The following TAF5 variants were observed in gnomAD, a reference collection of about 807,000 sequenced individuals.
TAF5 encodes the protein transcription initiation factor TFIID subunit 5.
A neutral mutation model predicts 80.9 loss-of-function variants in TAF5; 20 were observed. The ratio of observed to expected loss-of-function variants is 0.25; its 90% CI spans 0.17 to 0.36. TAF5 has a LOEUF of 0.36. TAF5 is among the 10% of genes least tolerant of loss of function. The pLI is 1.00. For missense variants in TAF5, 863 were observed against 1,029.4 expected (o/e 0.84, Z 2.21); for synonymous variants, 388 against 406.4 (o/e 0.95, Z 0.55).
intron 7 of TAF5, among the ~76,000 whole-genome samples, chr10:103,383,777 C>T (rs773769065): frequency 2.6e-5 from 4 of 151,970 alleles, no homozygotes; most frequent in Non-Finnish European, 5.9e-5. Flanking sequence ...GGGGTTTCTC[C>T]ATGTTGGTCA....
intron 1 of TAF5, among the ~76,000 whole-genome samples, chr10:103,370,857 C>G (rs1283727274): frequency 1.3e-5 from 2 of 152,118 alleles, no homozygotes; most frequent in African/African-American, 4.8e-5. Context: ...CTGTATGAGG[C>G]CTAATTTTTG....
At chr10:103,382,895 G>A (rs1314255746) in intron 6 of TAF5, among the ~76,000 whole-genome samples, 2 of 152,186 alleles carry the variant, frequency 1.3e-5, no homozygotes, top group East Asian at 3.9e-4. Context: ...CAATCTGCCC[G>A]CCTTGGCCTA....
At chr10:103,383,487 T>C in intron 7 of TAF5, 120 bp downstream of exon 7, 1 of 980,824 alleles carries the variant, frequency 1.0e-6, no homozygotes, top group Non-Finnish European at 1.4e-6. Flanking sequence ...CATGGTTGTC[T>C]GACGTTCATC....
chr10:103,368,604 A>C (rs1026644604), intron 1 of TAF5, 56 bp downstream of exon 1: 22 of 1,442,602 alleles, frequency 1.5e-5, no homozygotes, highest in Non-Finnish European at 2.0e-5. Context: ...CAAGCCGGTA[A>C]GGCAGGGGCT....
intron 1 of TAF5, among the ~76,000 whole-genome samples, chr10:103,372,447 G>T (rs1429224901): frequency 1.3e-5 from 2 of 150,768 alleles, no homozygotes; most frequent in Non-Finnish European, 1.5e-5. Flanking sequence ...CCATTCTCCT[G>T]CCTCAGCCTC....
At chr10:103,386,414 T>C (rs2093396416) in intron 8 of TAF5, among the ~76,000 whole-genome samples, 1 of 152,168 alleles carries the variant, frequency 6.6e-6, no homozygotes, top group Non-Finnish European at 1.5e-5. Context: ...CATTCTAGCC[T>C]GGATGACAGA....
chr10:103,372,356 ATGGAGTCTTGCTCTGTCGCCCAGGC>A (rs1387322687), intron 1 of TAF5, among the ~76,000 whole-genome samples: 1 of 147,770 alleles, frequency 6.8e-6, no homozygotes, highest in African/African-American at 2.5e-5. Context: ...TTTTTTTGAG[ATGGAGTCTTGCTCTGTCGCCCAGGC>A]TGGAGTGCAG....
At chr10:103,385,591 T>G (rs2093394049) in intron 8 of TAF5, 101 bp downstream of exon 8, 1 of 1,318,734 alleles carries the variant, frequency 7.6e-7, no homozygotes, top group Admixed American at 2.5e-5. Context: ...CTTCCATTAT[T>G]GAGGTTCAAC....
At chr10:103,383,477 C>A in intron 7 of TAF5, 110 bp downstream of exon 7, 1 of 1,087,736 alleles carries the variant, frequency 9.2e-7, no homozygotes, top group Non-Finnish European at 1.3e-6. Context: ...ATAAAAATCT[C>A]ATGGTTGTCT....
chr10:103,383,435 G>A, intron 7 of TAF5, 68 bp downstream of exon 7: 2 of 1,421,868 alleles, frequency 1.4e-6, no homozygotes, highest in Non-Finnish European at 9.4e-7. Context: ...GTTAACTACT[G>A]GAAACATTAT....
In TAF5 at chr10:103,374,248, C is replaced by T. The variant is rs763896776; in HGVS notation, c.797+653C>T. Among the ~76,000 whole-genome samples the T allele has an allele frequency of 2.0e-5, 3 of 152,130 alleles. No individual in the cohort carries two copies. Among genetic ancestry groups the T allele is most frequent in the African/African-American group, 4.8e-5 (2 of 41,434 alleles). ...ATTAGAATAAGAGTAACTGAGAACC[C>T]AAACAACAGAGGTTTAAATACAATA... is the stretch of plus-strand genomic sequence containing the variant. On this transcript the variant is annotated intron_variant, in intron 2 of 10. Transcript: ENST00000369839. This position sits in a 1 kb window ranked among gnomAD's most constrained non-coding sequence, Gnocchi z 4.3.
rs1179463727 is a variant in TAF5 at position 103,368,022 on chromosome 10, G to A, written c.33G>A (p.Val11=). 3 of 1,468,394 alleles carry A rather than the reference G, an allele frequency of 2.0e-6. No individual in the cohort carries two copies. The highest frequency in any genetic ancestry group is 2.7e-6 in the Non-Finnish European group (3 of 1,115,812). 91.0% of individuals were successfully genotyped at this position (1,468,394 alleles called of 1,614,324 possible). MAALAEEQTE[V]AVKLEPEGPP... The stretch of plus-strand genomic sequence containing the variant: ...CGCTGGCGGAGGAGCAGACGGAGGT[G>A]GCGGTCAAGCTAGAGCCTGAGGGAC... Residue 11 remains valine, a synonymous_variant, in exon 1 of 11, where the codon GTG becomes GTA. Coordinates refer to ENST00000369839, the MANE Select transcript of TAF5 (RefSeq NM_006951.5).
In TAF5 at chr10:103,388,519, T is replaced by C. The variant is rs1237546838; in HGVS notation, c.*296T>C. On this transcript the variant is annotated 3_prime_UTR_variant, in exon 11 of 11. Transcript: ENST00000369839. ...TCAAATGCTATTTTAATTTATTACA[T>C]TTAGAAAAAAAGTTGATTTCAATAA... The C allele has an allele frequency of 4.7e-6, 1 of 211,024 alleles. No individual in the cohort carries two copies. Among genetic ancestry groups the C allele is most frequent in the Non-Finnish European group, 9.5e-6 (1 of 105,370 alleles). 13.1% of individuals were successfully genotyped at this position (211,024 alleles called of 1,614,324 possible).
intron 5 of TAF5, among the ~76,000 whole-genome samples, chr10:103,380,404 A>G (rs535930919): frequency 1.7e-4 from 26 of 152,312 alleles, no homozygotes; most frequent in Non-Finnish European, 2.1e-4. Context: ...CTGGGATTAC[A>G]GGCATGAGCC....
At chr10:103,372,867 C>G (rs2093362706) in intron 1 of TAF5, among the ~76,000 whole-genome samples, 1 of 149,094 alleles carries the variant, frequency 6.7e-6, no homozygotes, top group South Asian at 2.1e-4. Context: ...TGCACTACAG[C>G]CTGGGCGACA....
rs1163364095 is a variant in TAF5, at chr10:103,374,344, C to T, written c.797+749C>T. Among the ~76,000 whole-genome samples, 2 of 152,126 alleles carry T rather than the reference C, an allele frequency of 1.3e-5. No individual in the cohort carries two copies. The highest frequency in any genetic ancestry group is 2.9e-5 in the Non-Finnish European group (2 of 68,034). On this transcript the variant is annotated intron_variant, in intron 2 of 10. Transcript: ENST00000369839. This position sits in a 1 kb window ranked among gnomAD's most constrained non-coding sequence, Gnocchi z 4.3. ...TGTGGTGGGTTCTTCATTACCAGGG[C>T]CCCAAGCTCCCTCGGTCTTGTTGCT...
At position 103,368,517 on chromosome 10, in the gene TAF5, T is replaced by G. The variant is rs763472567; in HGVS notation, c.528T>G (p.Gly176=). ...CTTCGGGGGCCACGGTCGTCTCAGG[T>G]TCAGCCTCAGGTCCTGCGGCTCCGG... is the stretch of plus-strand genomic sequence containing the variant. ...TGASGATVVS[G]SASGPAAPGK... The change falls in exon 1 of 11, where the codon GGT becomes GGG. Residue 176 remains glycine (G), a synonymous_variant. Transcript: ENST00000369839. 1.1e-5 allele frequency: 17 copies of G among 1,560,286 alleles called. No individual in the cohort carries two copies. The East Asian group carries it at 3.9e-4, about 36-fold the overall frequency.
intron 2 of TAF5, among the ~76,000 whole-genome samples, chr10:103,377,982 G>T (rs1007574725): frequency 5.3e-5 from 8 of 152,014 alleles, no homozygotes; most frequent in African/African-American, 1.9e-4. Flanking sequence ...TTTCACTTAG[G>T]ATATTTAAGT....
chr10:103,372,957 C>T (rs2093362982), intron 1 of TAF5, among the ~76,000 whole-genome samples: 2 of 150,724 alleles, frequency 1.3e-5, no homozygotes, highest in Admixed American at 1.3e-4. Context: ...GTAATTCCAA[C>T]ACTTTGGGAG....
Sources: allele counts gnomAD v4.1 joint callset (sites outside exome capture counted in the v4.1 genomes callset), GRCh38; gene constraint gnomAD v4.1.1; non-coding constraint Gnocchi (gnomAD v3.1); transcripts MANE v1.5; gene names NCBI Gene and HGNC (gene_info 2026-07-23, HGNC 2026-07-21).